SLC37A1: variants seen among roughly 807,000 people sequenced by gnomAD.
SLC37A1 encodes solute carrier family 37 member 1, also known as glucose-6-phosphate exchanger SLC37A1.
A neutral mutation model predicts 75.3 loss-of-function variants in SLC37A1; 49 were observed. That is an observed-to-expected ratio of 0.65 (90% CI 0.52 to 0.83). SLC37A1 has a LOEUF of 0.83. Ranked by LOEUF, SLC37A1 falls within the 40% of genes least tolerant of loss-of-function variation. The pLI, the probability that SLC37A1 is intolerant of heterozygous loss-of-function variation, is 0.00. For synonymous variants in SLC37A1, 268 were observed against 292.1 expected, an observed-to-expected ratio of 0.92 and a Z score of 0.84; for missense variants, 566 against 695.0, an observed-to-expected ratio of 0.81 and a Z score of 2.09.
rs2056403944 is a variant in SLC37A1, at chr21:42,580,513, C to A, written c.*153C>A. 8.1e-6 allele frequency: 6 copies of A among 743,920 alleles called. No individual in the cohort carries two copies. In the East Asian group the frequency reaches 1.6e-4, roughly 20 times the overall value. 46.1% of individuals were successfully genotyped at this position (743,920 alleles called of 1,614,324 possible). On this transcript the variant is annotated 3_prime_UTR_variant, in exon 20 of 20. Coordinates refer to ENST00000352133, the MANE Select transcript of SLC37A1 (RefSeq NM_001320537.2). The stretch of plus-strand genomic sequence containing the variant: ...AAAGACACAGAAGCCAACCTGAGAA[C>A]CCCTGGTGCTATTTTAAAGGAGACA...
chr21:42,563,932 C>G (rs1257873545), intron 13 of SLC37A1, 55 bp downstream of exon 13: 2 of 1,590,182 alleles, frequency 1.3e-6, no homozygotes, highest in East Asian at 4.5e-5. Flanking sequence ...GGCGCATGAT[C>G]TCTGAGTTGA....
At chr21:42,524,486 C>T (rs552368961) in intron 2 of SLC37A1, among the ~76,000 whole-genome samples, 1 of 152,332 alleles carries the variant, frequency 6.6e-6, no homozygotes, top group African/African-American at 2.4e-5. Context: ...AGCCTGCCAG[C>T]GTCACTGCCT....
intron 18 of SLC37A1, 126 bp downstream of exon 18, chr21:42,575,041 T>C: frequency 6.8e-7 from 1 of 1,467,294 alleles, no homozygotes; most frequent in Non-Finnish European, 9.0e-7. Context: ...TTCCCATCTT[T>C]TCTAAATATG....
At position 42,547,456 on chromosome 21, in the gene SLC37A1, G is replaced by A. The variant is rs1428827295; in HGVS notation, c.768+316G>A. On this transcript the variant is annotated intron_variant, in intron 9 of 19. Coordinates refer to ENST00000352133, the MANE Select transcript of SLC37A1 (RefSeq NM_001320537.2). This position sits in a 1 kb window ranked among gnomAD's most constrained non-coding sequence, Gnocchi z 6.1. ...TCCTGGTTTCCCCAGGGGCCTCAGT[G>A]TGACGGGGAAAAACGCACGTGTCAG... is the stretch of plus-strand genomic sequence containing the variant. 1 of 311,554 alleles carries A rather than the reference G, an allele frequency of 3.2e-6. No homozygotes were observed. Among genetic ancestry groups the A allele is most frequent in the Non-Finnish European group, 6.0e-6 (1 of 167,070 alleles). 19.3% of individuals were successfully genotyped at this position (311,554 alleles called of 1,614,324 possible).
At chr21:42,506,509 T>C (rs1163739997) in intron 2 of SLC37A1, among the ~76,000 whole-genome samples, 1 of 152,218 alleles carries the variant, frequency 6.6e-6, no homozygotes, top group Non-Finnish European at 1.5e-5. Flanking sequence ...TTAGGAATAT[T>C]AGCATAAATG....
At position 42,520,323 on chromosome 21, in the gene SLC37A1, T is replaced by G. The variant is rs531240569; in HGVS notation, c.56+1813T>G. Among the ~76,000 whole-genome samples the G allele has an allele frequency of 5.4e-3, 829 of 152,310 alleles. 6 individuals carry two copies. Among genetic ancestry groups the G allele is most frequent in the African/African-American group, 0.017 (712 of 41,568 alleles). ...TCTAGCACTGTTCCTCGGCCTTTTTTCATCTTTTCTGACCTTGGCTTTTTT... is the reference window on the plus strand; with the variant it reads ...TCTAGCACTGTTCCTCGGCCTTTTTGCATCTTTTCTGACCTTGGCTTTTTT... On this transcript the variant is annotated intron_variant, in intron 2 of 19. Coordinates refer to ENST00000352133, the MANE Select transcript of SLC37A1 (RefSeq NM_001320537.2).
In SLC37A1 at chr21:42,554,029, G is replaced by C. The variant is rs376525517; in HGVS notation, c.769-33G>C. ...GGTTTAATTTCTAGCTGTTGAATCA[G>C]TATCGCTCTAATGAAACTTTTTTTT... On this transcript the variant is annotated intron_variant, in intron 9 of 19. Coordinates refer to ENST00000352133, the MANE Select transcript of SLC37A1 (RefSeq NM_001320537.2). The C allele has an allele frequency of 2.6e-6, 4 of 1,561,744 alleles. No homozygotes were observed. The African/African-American group carries it at 5.5e-5, about 21-fold the overall frequency.
chr21:42,552,009 G>T lies in SLC37A1; in HGVS notation c.769-2053G>T, dbSNP rs1164305117. 6.6e-6 allele frequency among the ~76,000 whole-genome samples: 1 copy of T among 152,110 alleles called. No individual in the cohort carries two copies. Among genetic ancestry groups the T allele is most frequent in the Admixed American group, 6.6e-5 (1 of 15,266 alleles). ...AAACTGGAAACCTTCATCTGATCCAGATTTGATTTTTCTAATTAGTTTTTG... is the reference window on the plus strand; with the variant it reads ...AAACTGGAAACCTTCATCTGATCCATATTTGATTTTTCTAATTAGTTTTTG... On this transcript the variant is annotated intron_variant, in intron 9 of 19. Transcript: ENST00000352133. The surrounding 1 kb of genome is among the most constrained non-coding windows in gnomAD (Gnocchi z 4.2).
intron 16 of SLC37A1, among the ~76,000 whole-genome samples, chr21:42,568,158 A>C (rs1308549034): frequency 1.3e-5 from 2 of 152,264 alleles, no homozygotes; most frequent in East Asian, 3.8e-4. Flanking sequence ...ACTAGAACCA[A>C]GCATTTCTGA....
intron 2 of SLC37A1, among the ~76,000 whole-genome samples, chr21:42,519,617 C>T (rs1315574446): frequency 6.6e-6 from 1 of 152,228 alleles, no homozygotes; most frequent in Non-Finnish European, 1.5e-5. Flanking sequence ...ATCTCCTCCA[C>T]GCCAACCCCC....
At position 42,539,650 on chromosome 21, in the gene SLC37A1, A is replaced by G. The variant is rs1402472874; in HGVS notation, c.486+3A>G. The G allele has an allele frequency of 1.9e-6, 3 of 1,612,532 alleles. No homozygotes were observed. On this transcript the variant is annotated splice_donor_region_variant and intron_variant, in intron 6 of 19. Transcript: ENST00000352133. ...TCGGATTCTACGTGGTAACTCAGGTAAGGGTTTGGATCCGTGGCTCACCAT... is the reference window on the plus strand; with the variant it reads ...TCGGATTCTACGTGGTAACTCAGGTGAGGGTTTGGATCCGTGGCTCACCAT...
rs79247560 is a variant in SLC37A1, at chr21:42,525,829, T to A, written c.110T>A (p.Leu37Ter). The change falls in exon 3 of 20, where the codon TTA (leucine) becomes TAA (stop). Residue 37 changes from leucine to a stop codon, truncating the protein, a stop_gained. Transcript: ENST00000352133. LOFTEE classifies it high-confidence loss of function. ...TTTCTGCTGTATGCAAGTTTTCACT[T>A]ATCTCGAAAGCCTATCAGCATAGTT... ...LTFLLYASFHLSRKPISIVKG... is the reference protein window; with the variant it reads ...LTFLLYASFH The A allele has an allele frequency of 6.2e-7, 1 of 1,614,126 alleles. No homozygotes were observed. The highest frequency in any genetic ancestry group is 1.3e-5 in the African/African-American group (1 of 75,070).
chr21:42,569,743 C>T (rs533226904), intron 17 of SLC37A1, among the ~76,000 whole-genome samples: 229 of 152,368 alleles, frequency 1.5e-3, no homozygotes, highest in Admixed American at 5.6e-3. Context: ...TCCTCTGTCT[C>T]CTGCCACTGG....
chr21:42,565,331 T>A (rs772691734), intron 14 of SLC37A1, among the ~76,000 whole-genome samples: 13 of 152,256 alleles, frequency 8.5e-5, no homozygotes, highest in Non-Finnish European at 1.9e-4. Context: ...GTGGACGCTG[T>A]AGCTCTGCGC....
chr21:42,558,524 G>T (rs912584230), intron 10 of SLC37A1, among the ~76,000 whole-genome samples: 1 of 152,116 alleles, frequency 6.6e-6, no homozygotes, highest in Non-Finnish European at 1.5e-5. Flanking sequence ...ATTCTTTGAG[G>T]TTATAATGAC....
In SLC37A1 at chr21:42,576,205, C is replaced by T. The variant is rs144536157; in HGVS notation, c.1521+1290C>T. 1.1e-4 allele frequency among the ~76,000 whole-genome samples: 17 copies of T among 152,028 alleles called. No individual in the cohort carries two copies. The East Asian group carries it at 1.2e-3, about 10-fold the overall frequency. On this transcript the variant is annotated intron_variant, in intron 18 of 19. Transcript: ENST00000352133. Reference sequence around the variant, plus strand: ...GACTTCGTCATAGAGCCAGGACCCTCGAAGAGCCATGCTTGCAGTGAAAGA... The same window carrying T: ...GACTTCGTCATAGAGCCAGGACCCTTGAAGAGCCATGCTTGCAGTGAAAGA...
rs139141669 is a variant in SLC37A1 at position 42,581,154 on chromosome 21, C to G, written c.*794C>G. 1 of 152,638 alleles carries G rather than the reference C, an allele frequency of 6.6e-6. No homozygotes were observed. The highest frequency in any genetic ancestry group is 1.5e-5 in the Non-Finnish European group (1 of 68,088). The allele number at this position is 152,638 out of a possible 1,614,324, so 9.5% of individuals were successfully genotyped here. ...AGGGGCACAGCAGAGGTTTGGGAAGCGGTCTCCCCACCGGCACTGGGATTG... is the reference window on the plus strand; with the variant it reads ...AGGGGCACAGCAGAGGTTTGGGAAGGGGTCTCCCCACCGGCACTGGGATTG... On this transcript the variant is annotated 3_prime_UTR_variant, in exon 20 of 20. Transcript: ENST00000352133.
intron 5 of SLC37A1, among the ~76,000 whole-genome samples, chr21:42,537,909 A>G (rs150504955): frequency 6.6e-6 from 1 of 152,210 alleles, no homozygotes; most frequent in Non-Finnish European, 1.5e-5. Context: ...TTTGTTCGCT[A>G]TGTCAGATGA....
In SLC37A1 at chr21:42,556,490, C is replaced by T. The variant is rs186528345; in HGVS notation, c.849+2348C>T. On this transcript the variant is annotated intron_variant, in intron 10 of 19. Transcript: ENST00000352133. ...GTGAGCTTAGCATTTTTAGATAAAG[C>T]GATCGTTATTACGCAGTCCCCCCAC... Among the ~76,000 whole-genome samples the T allele has an allele frequency of 2.4e-3, 369 of 152,304 alleles. 3 individuals are homozygous for T. Among genetic ancestry groups the T allele is most frequent in the Admixed American group, 3.7e-3 (57 of 15,298 alleles).
Sources: gnomAD v4.1 joint callset for allele counts (sites outside exome capture counted in the v4.1 genomes callset) on GRCh38, gnomAD v4.1.1 for gene constraint, Gnocchi (gnomAD v3.1) non-coding constraint, MANE v1.5 for transcripts, NCBI Gene and HGNC (gene_info 2026-07-23, HGNC 2026-07-21) for gene names.